RPH3AL: variants seen among roughly 807,000 people sequenced by gnomAD.
The protein encoded by RPH3AL is rab effector Noc2.
Under a neutral mutation model 43.1 loss-of-function variants are expected in RPH3AL, and 38 were observed. The ratio of observed to expected loss-of-function variants is 0.88; its 90% confidence interval spans 0.68 to 1.15. The LOEUF is 1.15. Ranked by LOEUF, RPH3AL falls within the 50% of genes most tolerant of loss-of-function variation. The pLI is 0.00. For synonymous variants in RPH3AL, 189 were observed against 176.3 expected (o/e 1.07, Z -0.57); for missense variants, 462 against 423.2 (o/e 1.09, Z -0.81).
intron 5 of RPH3AL, among the ~76,000 whole-genome samples, chr17:293,665 C>T (rs1307309847): frequency 6.6e-6 from 1 of 152,160 alleles, no homozygotes; most frequent in Non-Finnish European, 1.5e-5. Context: ...GCACGGTGCA[C>T]TCAACAGGAG....
intron 1 of RPH3AL, among the ~76,000 whole-genome samples, chr17:348,515 G>A (rs946561716): frequency 6.4e-5 from 9 of 140,860 alleles, no homozygotes; most frequent in African/African-American, 1.1e-4. Flanking sequence ...AATTTTTTCT[G>A]TAAACCTAAC....
chr17:224,854 T>A (rs1441847520), intron 7 of RPH3AL, among the ~76,000 whole-genome samples: 1 of 151,118 alleles, frequency 6.6e-6, no homozygotes, highest in African/African-American at 2.4e-5. Flanking sequence ...CTCAGCAAAC[T>A]ATCGCAAAGA....
At chr17:313,371 G>A (rs540693236) in intron 5 of RPH3AL, among the ~76,000 whole-genome samples, 10 of 152,286 alleles carry the variant, frequency 6.6e-5, no homozygotes, top group African/African-American at 1.4e-4. Flanking sequence ...CTTGACTGGC[G>A]AGGCTGTGTG....
intron 1 of RPH3AL, among the ~76,000 whole-genome samples, chr17:349,842 C>T (rs2045319039): frequency 6.6e-6 from 1 of 152,130 alleles, no homozygotes; most frequent in African/African-American, 2.4e-5. Context: ...ATTTCTGTAA[C>T]ACCTTATCTA....
At chr17:294,564 CAG>C (rs1287426076) in intron 5 of RPH3AL, among the ~76,000 whole-genome samples, 1 of 148,030 alleles carries the variant, frequency 6.8e-6, no homozygotes, top group Non-Finnish European at 1.5e-5. Context: ...GTGGGAGGGA[CAG>C]AGGAGCTGCA....
chr17:302,640 C>A (rs1034867801), intron 5 of RPH3AL, among the ~76,000 whole-genome samples: 1 of 152,180 alleles, frequency 6.6e-6, no homozygotes, highest in Non-Finnish European at 1.5e-5. Context: ...CCAGGCCCGG[C>A]CCTCCCGGCT....
chr17:227,358 G>T (rs34372025), intron 7 of RPH3AL, among the ~76,000 whole-genome samples: 19,693 of 126,686 alleles, frequency 0.16, 1,605 homozygotes, highest in Non-Finnish European at 0.2. Flanking sequence ...TTCTGGAAAC[G>T]CTTTCTTGAC....
intron 6 of RPH3AL, among the ~76,000 whole-genome samples, chr17:279,427 A>G (rs1198776340): frequency 1.3e-5 from 2 of 152,182 alleles, no homozygotes; most frequent in Non-Finnish European, 2.9e-5. Flanking sequence ...GCAAAGTAAT[A>G]GCGTAATGCA....
chr17:225,961 C>G lies in RPH3AL; in HGVS notation c.614-6225G>C, dbSNP rs757214912. On this transcript the variant is annotated intron_variant, in intron 7 of 9. Transcript: ENST00000331302. The surrounding 1 kb of genome is among the most constrained non-coding windows in gnomAD (Gnocchi z 4.4). The stretch of plus-strand genomic sequence containing the variant: ...TTCTGTCATCTATCACACATGGTCA[C>G]AGAGTTGGGCTGGGAGCAGGCGAAA... Among the ~76,000 whole-genome samples the G allele has an allele frequency of 1.3e-5, 2 of 152,242 alleles. No homozygotes were observed. Among genetic ancestry groups the G allele is most frequent in the Non-Finnish European group, 2.9e-5 (2 of 68,036 alleles).
intron 5 of RPH3AL, among the ~76,000 whole-genome samples, chr17:307,086 TC>T (rs1232770917): frequency 6.6e-6 from 1 of 151,210 alleles, no homozygotes; most frequent in Non-Finnish European, 1.5e-5. Flanking sequence ...TGGCAGGTCC[TC>T]CCCACGGCAG....
At position 314,070 on chromosome 17, in the gene RPH3AL, G is replaced by A. The variant is rs373858135; in HGVS notation, c.351+5350C>T. On this transcript the variant is annotated intron_variant, in intron 5 of 9. Transcript: ENST00000331302. Reference sequence around the variant, plus strand: ...AGCGTGGGGACCCACATCCAGCTGAGGTCCTTCCCCAGGACAGCCACTGTT... The same window carrying A: ...AGCGTGGGGACCCACATCCAGCTGAAGTCCTTCCCCAGGACAGCCACTGTT... 1.6e-4 allele frequency among the ~76,000 whole-genome samples: 25 copies of A among 152,282 alleles called. No individual in the cohort carries two copies. The East Asian group carries it at 4.8e-3, about 29-fold the overall frequency.
rs968907162 is a variant in RPH3AL, at chr17:290,558, T to G, written c.352-8704A>C. Among the ~76,000 whole-genome samples, 2 of 152,096 alleles carry G rather than the reference T, an allele frequency of 1.3e-5. No individual in the cohort carries two copies. Among genetic ancestry groups the G allele is most frequent in the African/African-American group, 2.4e-5 (1 of 41,414 alleles). ...GGGCCACTTCAGTGACATTTCTGCT[T>G]CCTGCGACTCCCCGTCCCACCCCTT... On this transcript the variant is annotated intron_variant, in intron 5 of 9. Coordinates refer to ENST00000331302, the MANE Select transcript of RPH3AL (RefSeq NM_006987.4). The surrounding 1 kb of genome is among the most constrained non-coding windows in gnomAD (Gnocchi z 4.2).
intron 6 of RPH3AL, among the ~76,000 whole-genome samples, chr17:263,086 G>T (rs1166277745): frequency 2.1e-4 from 32 of 152,154 alleles, no homozygotes; most frequent in Admixed American, 2.1e-3. Context: ...AAGCATGGAA[G>T]AATTCATTAT....
At chr17:273,012 CGACA>C (rs2042534088) in intron 6 of RPH3AL, among the ~76,000 whole-genome samples, 2 of 62,896 alleles carry the variant, frequency 3.2e-5, no homozygotes, top group Admixed American at 1.6e-4. Flanking sequence ...CCAGCGAGGG[CGACA>C]TCAGGAAGAG....
intron 1 of RPH3AL, among the ~76,000 whole-genome samples, chr17:345,311 T>A (rs114315852): frequency 0.012 from 1,572 of 134,504 alleles, 211 homozygotes; most frequent in African/African-American, 0.037. Context: ...ACACCCTAAA[T>A]CCCATCTGCA....
At chr17:256,329 C>T (rs868974354) in intron 6 of RPH3AL, among the ~76,000 whole-genome samples, 16 of 11,102 alleles carry the variant, frequency 1.4e-3, no homozygotes, top group African/African-American at 2.5e-3. Context: ...AGCCGCACGG[C>T]GTCTGTCCTT....
chr17:222,511 G>A (rs2041015948), intron 7 of RPH3AL, among the ~76,000 whole-genome samples: 3 of 152,244 alleles, frequency 2.0e-5, no homozygotes, highest in African/African-American at 7.2e-5. Flanking sequence ...TGCACTGTGG[G>A]AGAAACTCTC....
intron 6 of RPH3AL, among the ~76,000 whole-genome samples, chr17:252,971 T>C (rs534001997): frequency 6.6e-6 from 1 of 152,198 alleles, no homozygotes; most frequent in South Asian, 2.1e-4. Flanking sequence ...GATGATGACA[T>C]AGAGTCAGGC....
At chr17:267,936 C>A (rs1397774597) in intron 6 of RPH3AL, among the ~76,000 whole-genome samples, 1 of 152,066 alleles carries the variant, frequency 6.6e-6, no homozygotes, top group African/African-American at 2.4e-5. Flanking sequence ...GAATCATATT[C>A]CAGTAAATAC....
Sources: allele counts gnomAD v4.1 joint callset (sites outside exome capture counted in the v4.1 genomes callset), GRCh38; gene constraint gnomAD v4.1.1; non-coding constraint Gnocchi (gnomAD v3.1); transcripts MANE v1.5; gene names NCBI Gene and HGNC (gene_info 2026-07-23, HGNC 2026-07-21).